SRGAP3: variants seen among roughly 807,000 people sequenced by gnomAD.
The protein encoded by SRGAP3 is SLIT-ROBO Rho GTPase-activating protein 3.
In SRGAP3, 39 loss-of-function variants were observed where a neutral mutation model predicts 121.1. The ratio of observed to expected loss-of-function variants is 0.32; its 90% CI spans 0.25 to 0.42. The LOEUF (loss-of-function observed/expected upper bound fraction) is 0.42, where lower values mean the gene tolerates loss of function less well. Among genes scored for constraint, SRGAP3 ranks in the 10% least tolerant of loss-of-function variants. SRGAP3 has a pLI of 1.00. For synonymous variants in SRGAP3, 601 were observed against 570.0 expected (o/e 1.05, Z -0.77); for missense variants, 1,213 against 1,470.6 (o/e 0.82, Z 2.86).
In SRGAP3 at chr3:8,981,913, G is replaced by A; in HGVS notation, c.*3606C>T. On this transcript the variant is annotated 3_prime_UTR_variant, in exon 22 of 22. Transcript: ENST00000383836. ...CAAGCTCGCAATTCCCTCCGATTGT[G>A]CACTCTGTCCGGGGTTCAAAAGGCG... 1 of 227,454 alleles carries A rather than the reference G, an allele frequency of 4.4e-6. No individual in the cohort carries two copies. The highest frequency in any genetic ancestry group is 8.7e-6 in the Non-Finnish European group (1 of 114,384). The allele number at this position is 227,454 out of a possible 1,614,324, so 14.1% of individuals were successfully genotyped here. A position where few individuals can be genotyped will look rare whatever the true frequency, so the allele number is the denominator to read the frequency against.
rs573751461 is a variant in SRGAP3 at position 9,129,872 on chromosome 3, C to T, written c.68-4955G>A. 3.3e-5 allele frequency among the ~76,000 whole-genome samples: 5 copies of T among 152,054 alleles called. No individual in the cohort carries two copies. The East Asian group carries it at 7.7e-4, about 24-fold the overall frequency. On this transcript the variant is annotated intron_variant, in intron 1 of 21. Transcript: ENST00000383836. ...CATCTCCCAGGTTCAAGGGATTGTCCTTCTTCAGCCTCCCAAGTAGCTGGG... is the reference window on the plus strand; with the variant it reads ...CATCTCCCAGGTTCAAGGGATTGTCTTTCTTCAGCCTCCCAAGTAGCTGGG...
In SRGAP3 at chr3:9,078,790, G is replaced by C. The variant is rs76647342; in HGVS notation, c.486+1235C>G. ...AGCAGCAATTCTTCCTTTACCCTAA[G>C]AATGACTCAACTAAAAACTACCCAC... On this transcript the variant is annotated intron_variant, in intron 4 of 21. Coordinates refer to ENST00000383836, the MANE Select transcript of SRGAP3 (RefSeq NM_014850.4). 4.6e-3 allele frequency among the ~76,000 whole-genome samples: 693 copies of C among 152,206 alleles called. 6 individuals are homozygous for C. Among genetic ancestry groups the C allele is most frequent in the African/African-American group, 0.016 (657 of 41,522 alleles).
At chr3:9,345,613 G>A (rs1161212076) in intron 1 of SRGAP3, among the ~76,000 whole-genome samples, 1 of 151,530 alleles carries the variant, frequency 6.6e-6, no homozygotes, top group Non-Finnish European at 1.5e-5. Context: ...GTGAAACCCC[G>A]TCTCTACTAA....
intron 21 of SRGAP3, 125 bp downstream of exon 21, chr3:8,990,387 C>T: frequency 7.8e-7 from 1 of 1,275,446 alleles, no homozygotes. Context: ...GCCACTCACT[C>T]TCCTGTTCTC....
chr3:9,346,296 G>A (rs1955890216), intron 1 of SRGAP3, among the ~76,000 whole-genome samples: 1 of 152,004 alleles, frequency 6.6e-6, no homozygotes, highest in African/African-American at 2.4e-5. Flanking sequence ...CCAGGCTGGA[G>A]TGCAGTGGTG....
chr3:9,105,468 A>G (rs1948389584), intron 2 of SRGAP3, among the ~76,000 whole-genome samples: 1 of 152,192 alleles, frequency 6.6e-6, no homozygotes, highest in South Asian at 2.1e-4. Flanking sequence ...AATGACTGAT[A>G]GGTTATTAGC....
At chr3:9,273,541 T>C (rs1183299052) in intron 3 of SRGAP3, among the ~76,000 whole-genome samples, 1 of 150,172 alleles carries the variant, frequency 6.7e-6, no homozygotes, top group Non-Finnish European at 1.5e-5. Context: ...CCCCACTCCA[T>C]GATTGCCTTT....
intron 1 of SRGAP3, among the ~76,000 whole-genome samples, chr3:9,191,737 CCA>C (rs1489832224): frequency 6.6e-6 from 1 of 152,170 alleles, no homozygotes; most frequent in Non-Finnish European, 1.5e-5. Context: ...GAACGATAAT[CCA>C]CAGTGTTGGA....
chr3:9,097,835 C>T (rs1269919885), intron 3 of SRGAP3, among the ~76,000 whole-genome samples: 1 of 152,180 alleles, frequency 6.6e-6, no homozygotes, highest in Non-Finnish European at 1.5e-5. Flanking sequence ...TCAGCCTCCT[C>T]GCTGTAGCTC....
chr3:9,223,282 G>A (rs145184313), intron 1 of SRGAP3, among the ~76,000 whole-genome samples: 1 of 152,156 alleles, frequency 6.6e-6, no homozygotes, highest in Non-Finnish European at 1.5e-5. Context: ...AGCCTAAAAT[G>A]TTTATCACCT....
intron 4 of SRGAP3, among the ~76,000 whole-genome samples, chr3:9,069,029 T>C (rs919835161): frequency 6.6e-6 from 1 of 152,162 alleles, no homozygotes; most frequent in Non-Finnish European, 1.5e-5. Flanking sequence ...TGGCCCAGAA[T>C]AGGTCAGTAA....
At chr3:9,202,971 A>G (rs1159710669) in intron 1 of SRGAP3, among the ~76,000 whole-genome samples, 2 of 152,110 alleles carry the variant, frequency 1.3e-5, no homozygotes, top group South Asian at 2.1e-4. Context: ...AGCCAGGCCA[A>G]CTCCAAAAGT....
Position 9,242,077 on chromosome 3 carries a change from CAAAAAAAAA to C in SRGAP3, c.67+6799_67+6807del, listed in dbSNP as rs142186507. Among the ~76,000 whole-genome samples, 103 of 68,512 alleles carry C rather than the reference CAAAAAAAAA, an allele frequency of 1.5e-3. 1 individual carries two copies. Among genetic ancestry groups the C allele is most frequent in the African/African-American group, 4.9e-3 (98 of 19,836 alleles). 44.9% of individuals were successfully genotyped at this position (68,512 alleles called of 152,430 possible). The stretch of plus-strand genomic sequence containing the variant: ...TGGCTGACAGAATGACACCCTAATT[CAAAAAAAAA>C]AAAAAAAAAAAAAGAGGAAGGAGCG... On this transcript the variant is annotated intron_variant, in intron 1 of 21. Transcript: ENST00000383836.
chr3:9,259,344 T>G (rs1184295782), intron 3 of SRGAP3, among the ~76,000 whole-genome samples: 1 of 152,140 alleles, frequency 6.6e-6, no homozygotes, highest in African/African-American at 2.4e-5. Flanking sequence ...AATGACATGA[T>G]CACAGACTTC....
chr3:9,319,558 C>T (rs1205463326), intron 3 of SRGAP3, among the ~76,000 whole-genome samples: 1 of 151,832 alleles, frequency 6.6e-6, no homozygotes, highest in East Asian at 1.9e-4. Flanking sequence ...ACACCAGGGA[C>T]TAAGAAGTCA....
chr3:9,089,056 G>A (rs957723643), intron 3 of SRGAP3, among the ~76,000 whole-genome samples: 13 of 152,078 alleles, frequency 8.5e-5, no homozygotes, highest in African/African-American at 2.4e-4. Flanking sequence ...CCATTTACAC[G>A]GGTGTTTATT....
intron 1 of SRGAP3, among the ~76,000 whole-genome samples, chr3:9,346,644 G>A (rs1266678940): frequency 6.6e-6 from 1 of 151,918 alleles, no homozygotes; most frequent in East Asian, 1.9e-4. Flanking sequence ...TTGTTTCCTA[G>A]ATTTACTACA....
intron 3 of SRGAP3, among the ~76,000 whole-genome samples, chr3:9,301,416 G>T (rs758322930): frequency 3.3e-5 from 5 of 152,220 alleles, no homozygotes; most frequent in East Asian, 1.9e-4. Flanking sequence ...GCCCTTAAAG[G>T]CTCCATGGCT....
chr3:9,337,152 C>A (rs1469817742), intron 1 of SRGAP3, among the ~76,000 whole-genome samples: 2 of 152,168 alleles, frequency 1.3e-5, no homozygotes, highest in African/African-American at 4.8e-5. Context: ...TACTCTTAGC[C>A]TTTGTGTTCT....
Sources: allele counts gnomAD v4.1 joint callset (sites outside exome capture counted in the v4.1 genomes callset), GRCh38; gene constraint gnomAD v4.1.1; transcripts MANE v1.5; gene names NCBI Gene and HGNC (gene_info 2026-07-23, HGNC 2026-07-21).